GLIS2: variants seen among roughly 807,000 people sequenced by gnomAD.
The protein encoded by GLIS2 is GLIS family zinc finger 2, also known as zinc finger protein GLIS2.
A neutral mutation model predicts 35.6 loss-of-function variants in GLIS2; 14 were observed. The observed-to-expected ratio is 0.39, with a 90% CI of 0.26 to 0.61. The LOEUF is 0.61. GLIS2 is among the 20% of genes least tolerant of loss of function. The pLI is 0.48. For missense variants in GLIS2, 675 were observed against 713.4 expected (o/e 0.95, Z 0.61); for synonymous variants, 368 against 325.1 (o/e 1.13, Z -1.42).
chr16:4,316,860 C>G (rs1241094236), intron 1 of GLIS2, among the ~76,000 whole-genome samples: 1 of 152,208 alleles, frequency 6.6e-6, no homozygotes, highest in East Asian at 1.9e-4. Context: ...ACGCAGGCGA[C>G]CGGCCTGGCA....
At position 4,332,166 on chromosome 16, in the gene GLIS2, G is replaced by A. The variant is rs2053503671; in HGVS notation, c.-66-49G>A. The A allele has an allele frequency of 2.3e-6, 3 of 1,289,888 alleles. No individual in the cohort carries two copies. Among genetic ancestry groups the A allele is most frequent in the African/African-American group, 1.5e-5 (1 of 67,626 alleles). 79.9% of individuals were successfully genotyped at this position (1,289,888 alleles called of 1,614,324 possible). On this transcript the variant is annotated intron_variant, in intron 1 of 6. Coordinates refer to ENST00000433375, the MANE Select transcript of GLIS2 (RefSeq NM_032575.3). The surrounding 1 kb of genome is among the most constrained non-coding windows in gnomAD (Gnocchi z 5.4). ...TAGACTGTCATGAGTACAGCCCGAG[G>A]AGAAGCCTGGGGTCTCAGTGCCACA...
At chr16:4,327,614 G>A (rs1222875482) in intron 1 of GLIS2, among the ~76,000 whole-genome samples, 3 of 152,114 alleles carry the variant, frequency 2.0e-5, no homozygotes, top group Non-Finnish European at 4.4e-5. Flanking sequence ...CCGTCTGCTC[G>A]GGCTGCGGTC....
At chr16:4,322,966 C>T (rs1047607539) in intron 1 of GLIS2, among the ~76,000 whole-genome samples, 1 of 152,232 alleles carries the variant, frequency 6.6e-6, no homozygotes, top group Non-Finnish European at 1.5e-5. Flanking sequence ...CTCATCCCTG[C>T]TCTCCCCCAG....
chr16:4,338,386 GTCTTCCTCCTTCTACCCC>G lies in GLIS2; in HGVS notation c.*863_*880del, dbSNP rs1567226161. ...CATGTGGGGCCAGGCCCAGCGCCCCGTCTTCCTCCTTCTACCCCCGCTGGGCCTGGCCTGGGCAGCGCC... is the reference window on the plus strand; with the variant it reads ...CATGTGGGGCCAGGCCCAGCGCCCCGCGCTGGGCCTGGCCTGGGCAGCGCC... On this transcript the variant is annotated 3_prime_UTR_variant, in exon 7 of 7. Transcript: ENST00000433375. 1.3e-5 allele frequency: 2 copies of G among 151,878 alleles called. No homozygotes were observed. The highest frequency in any genetic ancestry group is 4.8e-5 in the African/African-American group (2 of 41,344). 9.4% of individuals were successfully genotyped at this position (151,878 alleles called of 1,614,324 possible).
intron 1 of GLIS2, among the ~76,000 whole-genome samples, chr16:4,330,688 G>A (rs1427995338): frequency 2.6e-5 from 4 of 152,250 alleles, no homozygotes; most frequent in Non-Finnish European, 5.9e-5. Context: ...CAAACAGGGC[G>A]GGAGTCCGGA....
rs1218638738 is a variant in GLIS2, at chr16:4,332,896, C to T, written c.172+444C>T. Among the ~76,000 whole-genome samples the T allele has an allele frequency of 6.6e-6, 1 of 152,144 alleles. No individual in the cohort carries two copies. Among genetic ancestry groups the T allele is most frequent in the African/African-American group, 2.4e-5 (1 of 41,418 alleles). On this transcript the variant is annotated intron_variant, in intron 2 of 6. Transcript: ENST00000433375. The surrounding 1 kb of genome is among the most constrained non-coding windows in gnomAD (Gnocchi z 5.4). ...GCCCTGCCTCCAAGAGCAGAGTCAC[C>T]CGAAAACCAGATTCACCGCTTGTCT...
intron 1 of GLIS2, among the ~76,000 whole-genome samples, chr16:4,316,776 G>T (rs1265511025): frequency 6.6e-6 from 1 of 152,154 alleles, no homozygotes; most frequent in Admixed American, 6.5e-5. Flanking sequence ...CCTCGGGAAG[G>T]GGCGTCCCTG....
chr16:4,326,226 C>G (rs1187350124), intron 1 of GLIS2, among the ~76,000 whole-genome samples: 1 of 152,090 alleles, frequency 6.6e-6, no homozygotes, highest in African/African-American at 2.4e-5. Context: ...GCCTGGGTGA[C>G]AGAGTGAGAC....
At chr16:4,333,825 A>G (rs1302710488) in intron 3 of GLIS2, among the ~76,000 whole-genome samples, 4 of 152,126 alleles carry the variant, frequency 2.6e-5, no homozygotes, top group Non-Finnish European at 4.4e-5. Context: ...TAAAGACACC[A>G]GTCATGGCCG....
intron 1 of GLIS2, among the ~76,000 whole-genome samples, chr16:4,327,052 C>A (rs2053438714): frequency 6.6e-6 from 1 of 152,184 alleles, no homozygotes; most frequent in Non-Finnish European, 1.5e-5. Flanking sequence ...GCCACCGTGC[C>A]CGGCCACCGG....
At chr16:4,325,865 C>T (rs1313300013) in intron 1 of GLIS2, among the ~76,000 whole-genome samples, 1 of 134,424 alleles carries the variant, frequency 7.4e-6, no homozygotes, top group Non-Finnish European at 1.5e-5. Context: ...TGAGCCTCGG[C>T]GGCAGTTAGC....
In GLIS2 at chr16:4,336,800, C is replaced by G; in HGVS notation, c.851C>G (p.Thr284Arg). ...YSNSSDRFKH[T>R]RTHYVDKPYY... ...AACTCCAGTGACCGCTTTAAGCACA[C>G]GCGCACCCACTATGTGGACAAGCCC... The change falls in exon 7 of 7, where the codon ACG (threonine) becomes AGG (arginine). Residue 284 changes from threonine (T) to arginine (R), a missense_variant. Thr to Arg is a moderately conservative substitution (Grantham distance 71). Coordinates refer to ENST00000433375, the MANE Select transcript of GLIS2 (RefSeq NM_032575.3). The G allele has an allele frequency of 5.0e-6, 8 of 1,611,982 alleles. No individual in the cohort carries two copies. Among genetic ancestry groups the G allele is most frequent in the Non-Finnish European group, 5.9e-6 (7 of 1,179,254 alleles).
Position 4,332,353 on chromosome 16 carries a change from G to C in GLIS2, c.73G>C (p.Glu25Gln). The change falls in exon 2 of 7, where the codon GAG (glutamate) becomes CAG (glutamine). Residue 25 changes from glutamate to glutamine, a missense_variant. Physicochemically the swap from Glu to Gln is conservative, Grantham distance 29. Coordinates refer to ENST00000433375, the MANE Select transcript of GLIS2 (RefSeq NM_032575.3). The surrounding 1 kb of genome is among the most constrained non-coding windows in gnomAD (Gnocchi z 5.4). ...TKLRAAREKRERTLGVVRPRA... is the reference protein window; with the variant it reads ...TKLRAAREKRQRTLGVVRPRA... ...GCTCCGGGCGGCAAGAGAGAAGCGG[G>C]AGAGGACGCTGGGTGTGGTCCGGCC... is the stretch of plus-strand genomic sequence containing the variant. 6.2e-7 allele frequency: 1 copy of C among 1,613,202 alleles called. No homozygotes were observed. Among genetic ancestry groups the C allele is most frequent in the Non-Finnish European group, 8.5e-7 (1 of 1,180,028 alleles).
At chr16:4,334,238 CTTT>C (rs781643023) in intron 3 of GLIS2, among the ~76,000 whole-genome samples, 193 of 120,332 alleles carry the variant, frequency 1.6e-3, no homozygotes, top group Non-Finnish European at 2.3e-3. Flanking sequence ...TGTGCCCGGC[CTTT>C]TTTTTTTTTT....
In GLIS2 at chr16:4,332,149, C is replaced by A; in HGVS notation, c.-66-66C>A. ...CCTGCTCCTGCTCCTGTTAGACTGT[C>A]ATGAGTACAGCCCGAGGAGAAGCCT... is the stretch of plus-strand genomic sequence containing the variant. On this transcript the variant is annotated intron_variant, in intron 1 of 6. Coordinates refer to ENST00000433375, the MANE Select transcript of GLIS2 (RefSeq NM_032575.3). The surrounding 1 kb of genome is among the most constrained non-coding windows in gnomAD (Gnocchi z 5.4). 8.7e-7 allele frequency: 1 copy of A among 1,149,348 alleles called. No individual in the cohort carries two copies. The highest frequency in any genetic ancestry group is 1.3e-6 in the Non-Finnish European group (1 of 794,536). 71.2% of individuals were successfully genotyped at this position (1,149,348 alleles called of 1,614,324 possible).
rs1443186148 is a variant in GLIS2, at chr16:4,316,166, GC to G, written c.-152del. On this transcript the variant is annotated 5_prime_UTR_variant, in exon 1 of 7. Coordinates refer to ENST00000433375, the MANE Select transcript of GLIS2 (RefSeq NM_032575.3). The stretch of plus-strand genomic sequence containing the variant: ...CGTGAGGCCTCGCGCCCCGGCCCCC[GC>G]CCGTCCCGGCCCCTCCCCCGCTCGG... Among the ~76,000 whole-genome samples, 18 of 142,878 alleles carry G rather than the reference GC, an allele frequency of 1.3e-4. No homozygotes were observed. Among genetic ancestry groups the G allele is most frequent in the African/African-American group, 4.1e-4 (16 of 39,470 alleles). The allele number at this position is 142,878 out of a possible 152,430, so 93.7% of individuals were successfully genotyped here.
intron 1 of GLIS2, among the ~76,000 whole-genome samples, chr16:4,328,872 G>A (rs2053466842): frequency 6.6e-6 from 1 of 152,112 alleles, no homozygotes; most frequent in Non-Finnish European, 1.5e-5. Context: ...TGGGGCAGGT[G>A]CCAAAGGATG....
rs1260825087 is a variant in GLIS2 at position 4,335,031 on chromosome 16, G to C, written c.523-29G>C. ...GAGTCTGGGGCAGGTCACCCCGCAT[G>C]GGCTCAGAACACTTCCCATCCTCCG... On this transcript the variant is annotated intron_variant, in intron 4 of 6. Coordinates refer to ENST00000433375, the MANE Select transcript of GLIS2 (RefSeq NM_032575.3). This position sits in a 1 kb window ranked among gnomAD's most constrained non-coding sequence, Gnocchi z 4.6. The C allele has an allele frequency of 1.5e-5, 24 of 1,613,284 alleles. No individual in the cohort carries two copies. Among genetic ancestry groups the C allele is most frequent in the Non-Finnish European group, 2.0e-5 (24 of 1,180,024 alleles).
intron 1 of GLIS2, among the ~76,000 whole-genome samples, chr16:4,323,438 A>C (rs985774738): frequency 6.6e-6 from 1 of 152,068 alleles, no homozygotes; most frequent in Non-Finnish European, 1.5e-5. Flanking sequence ...AGTTGTGCAA[A>C]GGTGCAGCAG....
Sources: allele counts gnomAD v4.1 joint callset (sites outside exome capture counted in the v4.1 genomes callset), GRCh38; gene constraint gnomAD v4.1.1; non-coding constraint Gnocchi (gnomAD v3.1); transcripts MANE v1.5; gene names NCBI Gene and HGNC (gene_info 2026-07-23, HGNC 2026-07-21).